The following CC2D2A variants were observed in gnomAD, a reference collection of about 807,000 sequenced individuals.
CC2D2A encodes coiled-coil and C2 domain-containing protein 2A.
In CC2D2A, 155 loss-of-function variants were observed where a neutral mutation model predicts 212.9. That is an observed-to-expected ratio of 0.73 (90% CI 0.64 to 0.83). CC2D2A has a LOEUF of 0.83. Among genes scored for constraint, CC2D2A ranks in the 40% least tolerant of loss-of-function variants. The pLI is 0.00. For synonymous variants in CC2D2A, 667 were observed against 686.5 expected, an observed-to-expected ratio of 0.97 and a Z score of 0.44; for missense variants, 1,856 against 1,956.2, an observed-to-expected ratio of 0.95 and a Z score of 0.97.
intron 6 of CC2D2A, among the ~76,000 whole-genome samples, chr4:15,507,764 G>A (rs4698392): frequency 0.15 from 22,991 of 152,182 alleles, 2,093 homozygotes; most frequent in East Asian, 0.34. Context: ...CTTGGAGAAC[G>A]TAACAGTGGC....
At chr4:15,543,116 T>C (rs967835638) in intron 17 of CC2D2A, among the ~76,000 whole-genome samples, 3 of 151,678 alleles carry the variant, frequency 2.0e-5, no homozygotes, top group Admixed American at 1.3e-4. Flanking sequence ...ATCTGGGGGG[T>C]GGGTGAGGGC....
At chr4:15,471,075 G>C (rs188241263) in intron 1 of CC2D2A, among the ~76,000 whole-genome samples, 1 of 152,030 alleles carries the variant, frequency 6.6e-6, no homozygotes, top group Non-Finnish European at 1.5e-5. Context: ...ATATCGAGCT[G>C]ATTAAATGAT....
intron 33 of CC2D2A, among the ~76,000 whole-genome samples, chr4:15,594,840 A>T (rs1293745702): frequency 6.6e-6 from 1 of 152,136 alleles, no homozygotes; most frequent in Non-Finnish European, 1.5e-5. Flanking sequence ...ACTTGCTGTC[A>T]TCCAGGCTGG....
intron 14 of CC2D2A, among the ~76,000 whole-genome samples, chr4:15,536,033 C>T (rs1718111220): frequency 6.6e-6 from 1 of 152,144 alleles, no homozygotes; most frequent in African/African-American, 2.4e-5. Context: ...ATATCTTTTC[C>T]TGGTGGTACA....
At chr4:15,547,762 C>G (rs575576845) in intron 17 of CC2D2A, among the ~76,000 whole-genome samples, 25 of 152,248 alleles carry the variant, frequency 1.6e-4, no homozygotes, top group Non-Finnish European at 2.8e-4. Context: ...ACTTCTGGGC[C>G]AGGTACGGTG....
Position 15,516,522 on chromosome 4 carries a change from T to C in CC2D2A, c.1018-103T>C. On this transcript the variant is annotated intron_variant, in intron 10 of 36. Coordinates refer to ENST00000424120, the MANE Select transcript of CC2D2A (RefSeq NM_001378615.1). ...CTGTTGGGGGAGGAAGTACATGAAA[T>C]ATATATGTTGACACAGAATTTTCAA... 4.4e-6 allele frequency: 5 copies of C among 1,145,440 alleles called. No homozygotes were observed. The South Asian group carries it at 7.1e-5, about 16-fold the overall frequency. 71.0% of individuals were successfully genotyped at this position (1,145,440 alleles called of 1,614,324 possible). A position where few individuals can be genotyped will look rare whatever the true frequency, so the allele number is the denominator to read the frequency against.
At chr4:15,501,931 A>G (rs1715976253) in intron 4 of CC2D2A, among the ~76,000 whole-genome samples, 1 of 152,230 alleles carries the variant, frequency 6.6e-6, no homozygotes, top group South Asian at 2.1e-4. Context: ...TCTATGATAT[A>G]GCCCAGGGAT....
At chr4:15,481,052 G>T in intron 4 of CC2D2A, 1 of 504,864 alleles carries the variant, frequency 2.0e-6, no homozygotes. Context: ...TTATTTGGAT[G>T]TTTGTCCCCT....
intron 28 of CC2D2A, among the ~76,000 whole-genome samples, chr4:15,571,187 A>G (rs930718132): frequency 3.9e-5 from 6 of 152,256 alleles, no homozygotes; most frequent in Non-Finnish European, 8.8e-5. Context: ...AGTAACTTGA[A>G]GAAAACAATC....
At chr4:15,582,355 A>G (rs1183781937) in intron 30 of CC2D2A, among the ~76,000 whole-genome samples, 1 of 152,128 alleles carries the variant, frequency 6.6e-6, no homozygotes, top group African/African-American at 2.4e-5. Flanking sequence ...AAGAAATAAT[A>G]AAAATAAGAG....
intron 33 of CC2D2A, among the ~76,000 whole-genome samples, chr4:15,592,995 T>C (rs1309135965): frequency 6.6e-6 from 1 of 152,230 alleles, no homozygotes; most frequent in Admixed American, 6.5e-5. Context: ...AGAGGCCAAA[T>C]CATACAGATG....
intron 17 of CC2D2A, among the ~76,000 whole-genome samples, chr4:15,545,273 A>G (rs1200201981): frequency 2.0e-5 from 3 of 152,228 alleles, no homozygotes; most frequent in Non-Finnish European, 4.4e-5. Context: ...ACTTTAAAGC[A>G]TAGTATATTT....
chr4:15,476,097 A>G (rs1714195157), intron 2 of CC2D2A, 126 bp downstream of exon 2: 1 of 768,936 alleles, frequency 1.3e-6, no homozygotes, highest in Non-Finnish European at 2.1e-6. Flanking sequence ...AAAGCTTTAC[A>G]TGAATTAGAT....
intron 2 of CC2D2A, 79 bp from the exon 3 acceptor site, chr4:15,478,644 G>A: frequency 3.9e-6 from 4 of 1,038,268 alleles, no homozygotes; most frequent in Non-Finnish European, 5.7e-6. Flanking sequence ...GGGTCAAGAT[G>A]GGAGTTTTAA....
At chr4:15,498,157 T>C (rs770967778) in intron 4 of CC2D2A, among the ~76,000 whole-genome samples, 1 of 152,158 alleles carries the variant, frequency 6.6e-6, no homozygotes, top group Non-Finnish European at 1.5e-5. Flanking sequence ...AACACAAGGC[T>C]CATGTAGCCT....
Position 15,515,879 on chromosome 4 carries a change from A to T in CC2D2A, c.892A>T (p.Lys298Ter), listed in dbSNP as rs1212959308. ...IPSRQTVPTY[K>*]KLPENVQPRF... ...TATAAACGATCTAGTCCCTACATAT[A>T]AAAAGCTTCCTGAGAATGTACAGCC... The change falls in exon 10 of 37, where the codon AAA becomes TAA. Residue 298 changes from lysine (K) to a stop codon, truncating the protein, a stop_gained. Coordinates refer to ENST00000424120, the MANE Select transcript of CC2D2A (RefSeq NM_001378615.1). LOFTEE classifies it high-confidence loss of function. The T allele has an allele frequency of 6.4e-7, 1 of 1,551,840 alleles. No homozygotes were observed. Among genetic ancestry groups the T allele is most frequent in the East Asian group, 2.4e-5 (1 of 40,920 alleles).
chr4:15,556,573 G>C (rs894099117), intron 20 of CC2D2A, among the ~76,000 whole-genome samples: 1 of 152,116 alleles, frequency 6.6e-6, no homozygotes, highest in African/African-American at 2.4e-5. Flanking sequence ...CTGGTCTCTT[G>C]CTATGAACCA....
chr4:15,597,559 T>G, intron 35 of CC2D2A, 94 bp downstream of exon 35: 1 of 938,318 alleles, frequency 1.1e-6, no homozygotes, highest in Non-Finnish European at 1.7e-6. Flanking sequence ...TGTGAAACAA[T>G]TTAGGCAACT....
chr4:15,600,135 G>A (rs1721520681), intron 36 of CC2D2A, among the ~76,000 whole-genome samples: 2 of 152,080 alleles, frequency 1.3e-5, no homozygotes, highest in South Asian at 4.1e-4. Flanking sequence ...TGCTATAGCT[G>A]GATAATAAAA....
Sources: allele counts gnomAD v4.1 joint callset (sites outside exome capture counted in the v4.1 genomes callset), GRCh38; gene constraint gnomAD v4.1.1; transcripts MANE v1.5; gene names NCBI Gene and HGNC (gene_info 2026-07-23, HGNC 2026-07-21).